Variants in NSMCE2 observed in about 807,000 individuals in gnomAD.
NSMCE2 encodes NSE2 SUMO ligase component of SMC5/6 complex, also known as E3 SUMO-protein ligase NSE2.
NSMCE2 carries 24 observed loss-of-function variants against 23.8 expected under a neutral mutation model. That is an observed-to-expected ratio of 1.01 (90% CI 0.73 to 1.42). The LOEUF is 1.42. NSMCE2 is among the 40% of genes most tolerant of loss of function. The pLI is 0.00. For synonymous variants in NSMCE2, 92 were observed against 94.1 expected, an observed-to-expected ratio of 0.98 and a Z score of 0.13; for missense variants, 284 against 296.5, an observed-to-expected ratio of 0.96 and a Z score of 0.31.
At chr8:125,092,426 T>G (rs1172434914) in intron 1 of NSMCE2, among the ~76,000 whole-genome samples, 1 of 152,232 alleles carries the variant, frequency 6.6e-6, no homozygotes, top group Non-Finnish European at 1.5e-5. Flanking sequence ...TGTGAGGAAT[T>G]GCTTTATATG....
At chr8:125,160,438 G>A (rs1012053986) in intron 4 of NSMCE2, among the ~76,000 whole-genome samples, 1 of 152,178 alleles carries the variant, frequency 6.6e-6, no homozygotes, top group Non-Finnish European at 1.5e-5. Flanking sequence ...TGAAGGAAGG[G>A]CCTCTTTCCT....
At chr8:125,247,687 T>C (rs1316371703) in intron 5 of NSMCE2, among the ~76,000 whole-genome samples, 1 of 151,248 alleles carries the variant, frequency 6.6e-6, no homozygotes, top group Non-Finnish European at 1.5e-5. Flanking sequence ...ATTGCATCAT[T>C]GTACTCCCAC....
intron 5 of NSMCE2, among the ~76,000 whole-genome samples, chr8:125,210,060 C>T (rs1406667527): frequency 6.6e-6 from 1 of 152,174 alleles, no homozygotes; most frequent in Admixed American, 6.5e-5. Flanking sequence ...TCTAGATCCA[C>T]GTGTTCTAAG....
At chr8:125,328,922 C>T (rs1419512548) in intron 5 of NSMCE2, among the ~76,000 whole-genome samples, 1 of 152,172 alleles carries the variant, frequency 6.6e-6, no homozygotes, top group Non-Finnish European at 1.5e-5. Flanking sequence ...AGTCAGAACT[C>T]CTGGCCCCCA....
At chr8:125,217,363 T>A (rs1160738398) in intron 5 of NSMCE2, among the ~76,000 whole-genome samples, 12 of 151,486 alleles carry the variant, frequency 7.9e-5, no homozygotes, top group East Asian at 1.9e-4. Flanking sequence ...TTATTTATTT[T>A]TTATTTATTT....
intron 5 of NSMCE2, among the ~76,000 whole-genome samples, chr8:125,316,932 C>T (rs1829233390): frequency 6.6e-6 from 1 of 151,898 alleles, no homozygotes; most frequent in South Asian, 2.1e-4. Context: ...GCGTGTGCCA[C>T]CACACCCAGC....
At chr8:125,265,384 G>A (rs1826869590) in intron 5 of NSMCE2, among the ~76,000 whole-genome samples, 1 of 151,996 alleles carries the variant, frequency 6.6e-6, no homozygotes, top group South Asian at 2.1e-4. Context: ...ACTGTGCCCG[G>A]CTGATTTTAT....
rs187538422 is a variant in NSMCE2, at chr8:125,247,959, C to T, written c.418+65703C>T. On this transcript the variant is annotated intron_variant, in intron 5 of 7. Coordinates refer to ENST00000287437, the MANE Select transcript of NSMCE2 (RefSeq NM_173685.4). Reference sequence around the variant, plus strand: ...CAATGGGAGAATGACAGTAAACAGACAACTATTATAATAAGTGCATGGAAG... The same window carrying T: ...CAATGGGAGAATGACAGTAAACAGATAACTATTATAATAAGTGCATGGAAG... Among the ~76,000 whole-genome samples the T allele has an allele frequency of 2.0e-5, 3 of 152,236 alleles. No individual in the cohort carries two copies. The East Asian group carries it at 5.8e-4, about 29-fold the overall frequency.
intron 5 of NSMCE2, among the ~76,000 whole-genome samples, chr8:125,230,272 T>C (rs1825267656): frequency 6.6e-6 from 1 of 151,438 alleles, no homozygotes; most frequent in South Asian, 2.1e-4. Context: ...TATTTCCTCC[T>C]GGCCAACCCT....
chr8:125,102,535 T>A, intron 3 of NSMCE2, 48 bp downstream of exon 3: 1 of 1,487,182 alleles, frequency 6.7e-7, no homozygotes, highest in Middle Eastern at 1.7e-4. Context: ...GGTAACACTG[T>A]GTGGTGGTAT....
At chr8:125,130,694 T>C (rs1819732062) in intron 3 of NSMCE2, among the ~76,000 whole-genome samples, 2 of 152,338 alleles carry the variant, frequency 1.3e-5, no homozygotes, top group South Asian at 4.1e-4. Context: ...AATGTATGTG[T>C]ACATACATAC....
intron 4 of NSMCE2, among the ~76,000 whole-genome samples, chr8:125,152,169 T>G (rs1194833302): frequency 2.0e-5 from 3 of 152,216 alleles, no homozygotes; most frequent in Non-Finnish European, 4.4e-5. Flanking sequence ...TTGACTAACT[T>G]TAAGAATATC....
At chr8:125,244,891 A>T (rs1431664682) in intron 5 of NSMCE2, among the ~76,000 whole-genome samples, 6 of 152,224 alleles carry the variant, frequency 3.9e-5, no homozygotes, top group African/African-American at 1.4e-4. Flanking sequence ...ACTAATAACT[A>T]CACACTGTAC....
chr8:125,323,295 G>A (rs373612467), intron 5 of NSMCE2, among the ~76,000 whole-genome samples: 31 of 152,212 alleles, frequency 2.0e-4, no homozygotes, highest in African/African-American at 6.7e-4. Flanking sequence ...AGATATTGAC[G>A]AGATTATTCT....
rs924922726 is a variant in NSMCE2, at chr8:125,297,531, A to G, written c.419-59688A>G. ...TCTTCCTTCTGGAATGAGACACAGTAAAAACTAGGGTGAAATCTCTTAATT... is the reference window on the plus strand; with the variant it reads ...TCTTCCTTCTGGAATGAGACACAGTGAAAACTAGGGTGAAATCTCTTAATT... On this transcript the variant is annotated intron_variant, in intron 5 of 7. Coordinates refer to ENST00000287437, the MANE Select transcript of NSMCE2 (RefSeq NM_173685.4). 2.0e-5 allele frequency among the ~76,000 whole-genome samples: 3 copies of G among 152,182 alleles called. No homozygotes were observed. In the East Asian group the frequency reaches 5.8e-4, roughly 29 times the overall value.
At chr8:125,297,669 A>G (rs1442641666) in intron 5 of NSMCE2, among the ~76,000 whole-genome samples, 1 of 148,966 alleles carries the variant, frequency 6.7e-6, no homozygotes, top group Non-Finnish European at 1.5e-5. Flanking sequence ...TGTCTCTAGA[A>G]AAAAAAAAAA....
intron 5 of NSMCE2, among the ~76,000 whole-genome samples, chr8:125,341,870 G>A (rs1830262673): frequency 8.3e-6 from 1 of 121,090 alleles, no homozygotes; most frequent in Admixed American, 1.1e-4. Flanking sequence ...GAGAGTCCAT[G>A]TGCAATGCAC....
intron 7 of NSMCE2, among the ~76,000 whole-genome samples, chr8:125,362,492 C>T (rs1173890561): frequency 6.6e-6 from 1 of 152,182 alleles, no homozygotes; most frequent in Middle Eastern, 3.2e-3. Context: ...AAGCTGTGGA[C>T]TAGGGCAGGG....
chr8:125,313,788 A>G (rs1829067628), intron 5 of NSMCE2, among the ~76,000 whole-genome samples: 1 of 152,280 alleles, frequency 6.6e-6, no homozygotes, highest in South Asian at 2.1e-4. Flanking sequence ...AAGAAACAGA[A>G]CTTTACTTTT....
Sources: allele counts gnomAD v4.1 joint callset (sites outside exome capture counted in the v4.1 genomes callset), GRCh38; gene constraint gnomAD v4.1.1; transcripts MANE v1.5; gene names NCBI Gene and HGNC (gene_info 2026-07-23, HGNC 2026-07-21).